The following ZBTB16 variants were observed in gnomAD, a reference collection of about 807,000 sequenced individuals.
ZBTB16 encodes zinc finger and BTB domain-containing protein 16.
Under a neutral mutation model 56.8 loss-of-function variants are expected in ZBTB16, and 8 were observed. That is an observed-to-expected ratio of 0.14 (90% CI 0.08 to 0.25). The LOEUF (loss-of-function observed/expected upper bound fraction) is 0.25. Among genes scored for constraint, ZBTB16 ranks in the 10% least tolerant of loss-of-function variants. ZBTB16 has a pLI of 1.00. For missense variants in ZBTB16, 625 were observed against 903.0 expected, an observed-to-expected ratio of 0.69 and a Z score of 3.95; for synonymous variants, 363 against 368.5, an observed-to-expected ratio of 0.98 and a Z score of 0.17.
At chr11:114,062,607 A>G (rs1272719318) in intron 1 of ZBTB16, among the ~76,000 whole-genome samples, 6 of 152,262 alleles carry the variant, frequency 3.9e-5, no homozygotes, top group African/African-American at 1.4e-4. Flanking sequence ...GTAGAAGGCC[A>G]GAGGCCAAGG....
chr11:114,092,297 A>G (rs559929054), intron 2 of ZBTB16, among the ~76,000 whole-genome samples: 2,454 of 152,286 alleles, frequency 0.016, 58 homozygotes, highest in African/African-American at 0.057. Flanking sequence ...GGGAGAAGCG[A>G]GGGAGAGCCA....
chr11:114,123,707 C>G (rs1941408298), intron 2 of ZBTB16, among the ~76,000 whole-genome samples: 1 of 152,044 alleles, frequency 6.6e-6, no homozygotes, highest in African/African-American at 2.4e-5. Context: ...GAGGAGCAGT[C>G]AAGAAAGAGC....
In ZBTB16 at chr11:114,072,835, G is replaced by A. The variant is rs545395696; in HGVS notation, c.1268+8267G>A. 9.0e-4 allele frequency among the ~76,000 whole-genome samples: 137 copies of A among 152,060 alleles called. 1 individual carries two copies. The highest frequency in any genetic ancestry group is 2.7e-3 in the African/African-American group (112 of 41,490). On this transcript the variant is annotated intron_variant, in intron 2 of 6. Transcript: ENST00000335953. ...TGGGAGGCCGAGGCGGGCGGATCAC[G>A]AGGTCAGGAGATCGAGACCATCCTG...
chr11:114,166,852 C>T (rs1347235901), intron 3 of ZBTB16, among the ~76,000 whole-genome samples: 1 of 152,102 alleles, frequency 6.6e-6, no homozygotes, highest in Non-Finnish European at 1.5e-5. Flanking sequence ...ACTGGAGTTT[C>T]CGAGGAATCC....
chr11:114,195,307 C>A (rs900079579), intron 4 of ZBTB16, among the ~76,000 whole-genome samples: 1 of 152,142 alleles, frequency 6.6e-6, no homozygotes, highest in African/African-American at 2.4e-5. Flanking sequence ...ACCTTCAACT[C>A]TTTCAGTCCA....
intron 2 of ZBTB16, among the ~76,000 whole-genome samples, chr11:114,149,958 A>G (rs1044422652): frequency 6.6e-6 from 1 of 152,194 alleles, no homozygotes; most frequent in Admixed American, 6.5e-5. Context: ...AGCTTCTCAT[A>G]TGTCTGTTCT....
chr11:114,234,529 AG>A (rs1249866038), intron 4 of ZBTB16, among the ~76,000 whole-genome samples: 1 of 152,222 alleles, frequency 6.6e-6, no homozygotes, highest in African/African-American at 2.4e-5. Flanking sequence ...GAGGAACGCC[AG>A]GAGTACAGTA....
In ZBTB16 at chr11:114,165,851, C is replaced by T. The variant is rs548959749; in HGVS notation, c.1366+9417C>T. ...GCCCAGCTCTGGGGACCTTCAGAAC[C>T]TGGGACATCTGTGCTCACAGGCCTC... is the stretch of plus-strand genomic sequence containing the variant. On this transcript the variant is annotated intron_variant, in intron 3 of 6. Transcript: ENST00000335953. Among the ~76,000 whole-genome samples the T allele has an allele frequency of 3.9e-5, 6 of 152,264 alleles. No individual in the cohort carries two copies. In the East Asian group the frequency reaches 1.2e-3, roughly 29 times the overall value.
At chr11:114,169,946 C>T (rs1324200343) in intron 3 of ZBTB16, among the ~76,000 whole-genome samples, 2 of 152,172 alleles carry the variant, frequency 1.3e-5, no homozygotes, top group Non-Finnish European at 2.9e-5. Flanking sequence ...GCATCTCTTT[C>T]CTCCTCATCC....
intron 4 of ZBTB16, among the ~76,000 whole-genome samples, chr11:114,213,306 A>G (rs1944032676): frequency 6.6e-6 from 1 of 152,132 alleles, no homozygotes; most frequent in Non-Finnish European, 1.5e-5. Context: ...ACTCGCATAA[A>G]TTCACGTGTC....
At chr11:114,076,820 C>T (rs1771352934) in intron 2 of ZBTB16, among the ~76,000 whole-genome samples, 1 of 152,096 alleles carries the variant, frequency 6.6e-6, no homozygotes, top group African/African-American at 2.4e-5. Context: ...CTTTCTAGCA[C>T]AATGGTTTTC....
chr11:114,190,133 T>C (rs1270799507), intron 4 of ZBTB16, among the ~76,000 whole-genome samples: 2 of 152,022 alleles, frequency 1.3e-5, no homozygotes, highest in Non-Finnish European at 2.9e-5. Context: ...GAAAGTAAAT[T>C]AGTAGGTGCC....
intron 2 of ZBTB16, among the ~76,000 whole-genome samples, chr11:114,156,056 C>T (rs1160645200): frequency 6.6e-6 from 1 of 152,176 alleles, no homozygotes; most frequent in Non-Finnish European, 1.5e-5. Flanking sequence ...TTGCATCCTT[C>T]CTCCCTCTGG....
intron 3 of ZBTB16, among the ~76,000 whole-genome samples, chr11:114,180,081 G>C (rs765020672): frequency 8.5e-5 from 13 of 152,188 alleles, no homozygotes; most frequent in Admixed American, 2.6e-4. Context: ...CCTCAGTCCC[G>C]CCTCTGGCAT....
At chr11:114,240,360 G>A (rs529104350) in intron 4 of ZBTB16, among the ~76,000 whole-genome samples, 6 of 152,092 alleles carry the variant, frequency 3.9e-5, no homozygotes, top group Admixed American at 6.5e-5. Flanking sequence ...GAGGTTCTTC[G>A]TGCCATCCCT....
chr11:114,219,635 C>T (rs1368517630), intron 4 of ZBTB16, among the ~76,000 whole-genome samples: 2 of 149,716 alleles, frequency 1.3e-5, no homozygotes, highest in Admixed American at 6.7e-5. Flanking sequence ...TTTTTTCTTG[C>T]TCTGGAGGAA....
At chr11:114,242,449 G>A in intron 5 of ZBTB16, 112 bp downstream of exon 5, 1 of 1,464,732 alleles carries the variant, frequency 6.8e-7, no homozygotes, top group Non-Finnish European at 9.3e-7. Context: ...CAGTCCTTCT[G>A]CTCAAGGCTT....
chr11:114,103,649 C>A (rs763713047), intron 2 of ZBTB16, among the ~76,000 whole-genome samples: 4 of 152,098 alleles, frequency 2.6e-5, no homozygotes, highest in Non-Finnish European at 4.4e-5. Flanking sequence ...CCTGTGTCAG[C>A]ATCTAAACCT....
chr11:114,087,731 TA>T (rs979178816), intron 2 of ZBTB16, among the ~76,000 whole-genome samples: 33 of 152,296 alleles, frequency 2.2e-4, no homozygotes, highest in African/African-American at 7.2e-4. Context: ...TGGCCTATTC[TA>T]GAGAAGAAAC....
Sources: allele counts gnomAD v4.1 joint callset (sites outside exome capture counted in the v4.1 genomes callset), GRCh38; gene constraint gnomAD v4.1.1; transcripts MANE v1.5; gene names NCBI Gene and HGNC (gene_info 2026-07-23, HGNC 2026-07-21).